EYS: variants seen among roughly 807,000 people sequenced by gnomAD.
EYS encodes the protein protein eyes shut homolog.
EYS carries 250 observed loss-of-function variants against 282.1 expected under a neutral mutation model. That is an observed-to-expected ratio of 0.89 (90% CI 0.80 to 0.98). The LOEUF (loss-of-function observed/expected upper bound fraction) is 0.98, where lower values mean the gene tolerates loss of function less well. Ranked by LOEUF, EYS falls within the 50% of genes least tolerant of loss-of-function variation. The pLI, the probability that EYS is intolerant of heterozygous loss-of-function variation, is 0.00. For missense variants in EYS, 4,016 were observed against 3,709.0 expected (o/e 1.08, Z -2.15); for synonymous variants, 1,355 against 1,282.9 (o/e 1.06, Z -1.20).
intron 35 of EYS, among the ~76,000 whole-genome samples, chr6:63,924,114 C>A (rs896597715): frequency 2.0e-5 from 3 of 151,984 alleles, no homozygotes; most frequent in African/African-American, 7.3e-5. Context: ...GGAAATTTAC[C>A]TCACTGCATA....
rs564455978 is a variant in EYS at position 65,195,987 on chromosome 6, C to T, written c.2023+99876G>A. ...TCCACCTAGCATGAAATGGAAAGGA[C>T]ATTATTTCAACCTTCAGTGGATAAT... On this transcript the variant is annotated intron_variant, in intron 12 of 42. Transcript: ENST00000503581. Among the ~76,000 whole-genome samples the T allele has an allele frequency of 3.9e-5, 6 of 152,146 alleles. No individual in the cohort carries two copies. In the South Asian group the frequency reaches 1.2e-3, roughly 32 times the overall value.
chr6:63,789,633 A>G (rs749262275), intron 37 of EYS, among the ~76,000 whole-genome samples: 2 of 152,264 alleles, frequency 1.3e-5, no homozygotes, highest in Non-Finnish European at 2.9e-5. Context: ...AGTTCTTTCT[A>G]TGATTTGAGA....
At chr6:64,178,184 G>T (rs1210483640) in intron 31 of EYS, among the ~76,000 whole-genome samples, 2 of 152,044 alleles carry the variant, frequency 1.3e-5, no homozygotes, top group Non-Finnish European at 2.9e-5. Context: ...TTACTAGAAA[G>T]CCCATCTAAT....
At chr6:64,886,959 TATGTATTTCA>T in intron 18 of EYS, 117 bp from the exon 19 acceptor site, 1 of 693,388 alleles carries the variant, frequency 1.4e-6, no homozygotes, top group Non-Finnish European at 2.2e-6. Flanking sequence ...ATAAATAATA[TATGTATTTCA>T]TTTTTTTCTT....
At chr6:64,629,530 C>T (rs1166120778) in intron 22 of EYS, among the ~76,000 whole-genome samples, 3 of 152,084 alleles carry the variant, frequency 2.0e-5, no homozygotes, top group Non-Finnish European at 2.9e-5. Flanking sequence ...TCCAGTGACA[C>T]ATATCTTTGA....
chr6:65,599,444 C>T (rs538597625), intron 2 of EYS, among the ~76,000 whole-genome samples: 2 of 152,112 alleles, frequency 1.3e-5, no homozygotes, highest in Admixed American at 6.6e-5. Context: ...CTATCCCAAC[C>T]GTCAGGTCCA....
At chr6:64,561,179 A>G (rs1019003028) in intron 26 of EYS, among the ~76,000 whole-genome samples, 2 of 152,166 alleles carry the variant, frequency 1.3e-5, no homozygotes, top group Admixed American at 6.6e-5. Context: ...TATACTTCAA[A>G]ATAGTAAGAG....
At chr6:64,068,368 T>C (rs967930618) in intron 32 of EYS, among the ~76,000 whole-genome samples, 1 of 152,108 alleles carries the variant, frequency 6.6e-6, no homozygotes, top group African/African-American at 2.4e-5. Flanking sequence ...ATTGTAAATA[T>C]CTTCTTCAGT....
At chr6:65,622,509 T>C (rs183905607) in intron 2 of EYS, among the ~76,000 whole-genome samples, 1 of 152,164 alleles carries the variant, frequency 6.6e-6, no homozygotes, top group Non-Finnish European at 1.5e-5. Context: ...TCAATTATGG[T>C]AAGTAATTTG....
chr6:65,282,158 C>T (rs909458780), intron 12 of EYS, among the ~76,000 whole-genome samples: 1 of 151,692 alleles, frequency 6.6e-6, no homozygotes, highest in Non-Finnish European at 1.5e-5. Flanking sequence ...AGTTCTATGG[C>T]ACAGCATGGT....
chr6:65,077,843 A>T (rs1422196383), intron 12 of EYS, among the ~76,000 whole-genome samples: 1 of 152,122 alleles, frequency 6.6e-6, no homozygotes, highest in Non-Finnish European at 1.5e-5. Context: ...TAAGTGAACA[A>T]CTTCTAAATA....
At chr6:65,602,234 T>C (rs1765639326) in intron 2 of EYS, among the ~76,000 whole-genome samples, 1 of 151,882 alleles carries the variant, frequency 6.6e-6, no homozygotes, top group African/African-American at 2.4e-5. Flanking sequence ...CAAAAGTATG[T>C]CTACTAGTAT....
chr6:65,181,982 C>G (rs182156584), intron 12 of EYS, among the ~76,000 whole-genome samples: 2 of 151,920 alleles, frequency 1.3e-5, no homozygotes, highest in Admixed American at 6.6e-5. Context: ...ACCACATGTT[C>G]TCACTCATAG....
intron 15 of EYS, among the ~76,000 whole-genome samples, chr6:64,933,984 G>C (rs950694483): frequency 6.6e-6 from 1 of 151,908 alleles, no homozygotes; most frequent in Admixed American, 6.6e-5. Flanking sequence ...GGGGGTCAGG[G>C]GGATAGTGGA....
intron 12 of EYS, among the ~76,000 whole-genome samples, chr6:65,131,216 G>C (rs1450680883): frequency 1.3e-5 from 2 of 151,686 alleles, no homozygotes; most frequent in African/African-American, 2.4e-5. Context: ...CTTGAGCTTA[G>C]ATAAGTCAAT....
At chr6:65,220,502 C>T (rs1051944647) in intron 12 of EYS, among the ~76,000 whole-genome samples, 1 of 152,136 alleles carries the variant, frequency 6.6e-6, no homozygotes. Flanking sequence ...TGTCCCTTTG[C>T]TCTTCCTTCG....
intron 12 of EYS, among the ~76,000 whole-genome samples, chr6:65,164,424 TC>T (rs1298266223): frequency 2.7e-5 from 4 of 150,866 alleles, no homozygotes; most frequent in Admixed American, 6.6e-5. Context: ...GTTATTTTTT[TC>T]CTTTCAGTTT....
At position 65,313,527 on chromosome 6, in the gene EYS, C is replaced by T. The variant is rs539497462; in HGVS notation, c.1767-17408G>A. Among the ~76,000 whole-genome samples, 9 of 149,034 alleles carry T rather than the reference C, an allele frequency of 6.0e-5. No individual in the cohort carries two copies. In the East Asian group the frequency reaches 1.8e-3, roughly 30 times the overall value. On this transcript the variant is annotated intron_variant, in intron 11 of 42. Transcript: ENST00000503581. The stretch of plus-strand genomic sequence containing the variant: ...CAGTTTTCCGTATCTCGATAAATGA[C>T]AACTTAATCTTCCCAGTGTTTCAGG...
intron 22 of EYS, among the ~76,000 whole-genome samples, chr6:64,807,609 A>T (rs1246151652): frequency 6.6e-6 from 1 of 152,152 alleles, no homozygotes; most frequent in African/African-American, 2.4e-5. Context: ...AGATGTGCAT[A>T]TTATTAAATT....
Sources: allele counts gnomAD v4.1 joint callset (sites outside exome capture counted in the v4.1 genomes callset), GRCh38; gene constraint gnomAD v4.1.1; transcripts MANE v1.5; gene names NCBI Gene and HGNC (gene_info 2026-07-23, HGNC 2026-07-21).